Variants in STIM1 observed in about 807,000 individuals in gnomAD.
STIM1 encodes the protein stromal interaction molecule 1.
In STIM1, 25 loss-of-function variants were observed where a neutral mutation model predicts 74.7. The observed-to-expected ratio is 0.33, with a 90% CI of 0.24 to 0.47. STIM1 has a LOEUF of 0.47. Among genes scored for constraint, STIM1 ranks in the 20% least tolerant of loss-of-function variants. STIM1 has a pLI of 1.00. For synonymous variants in STIM1, 328 were observed against 348.8 expected (o/e 0.94, Z 0.66); for missense variants, 728 against 920.8 (o/e 0.79, Z 2.71).
At chr11:3,865,140 T>C (rs115860171) in intron 1 of STIM1, among the ~76,000 whole-genome samples, 2 of 152,212 alleles carry the variant, frequency 1.3e-5, no homozygotes, top group Admixed American at 6.5e-5. Context: ...CAATGACAGA[T>C]GAAAAACTTC....
chr11:3,982,861 C>T (rs1473981008), intron 2 of STIM1, among the ~76,000 whole-genome samples: 2 of 152,076 alleles, frequency 1.3e-5, no homozygotes, highest in South Asian at 2.1e-4. Context: ...TTTCTGTAGC[C>T]CAGCCCATAA....
chr11:3,991,169 C>CTTT (rs1246143538), intron 2 of STIM1, among the ~76,000 whole-genome samples: 5 of 124,220 alleles, frequency 4.0e-5, no homozygotes, highest in Admixed American at 8.7e-5. Flanking sequence ...TCTTTCCTTT[C>CTTT]TTTTTTTTTT....
chr11:4,063,565 T>C (rs139138689), intron 5 of STIM1, among the ~76,000 whole-genome samples: 1 of 152,262 alleles, frequency 6.6e-6, no homozygotes, highest in Non-Finnish European at 1.5e-5. Flanking sequence ...ACATAACTTT[T>C]ATCACTGGGA....
intron 2 of STIM1, among the ~76,000 whole-genome samples, chr11:4,013,949 C>A (rs1012689827): frequency 2.0e-5 from 3 of 151,804 alleles, no homozygotes; most frequent in Admixed American, 6.6e-5. Context: ...CCTCGTGATC[C>A]GCCCGTGTTG....
chr11:3,976,514 C>T (rs1213938691), intron 2 of STIM1, among the ~76,000 whole-genome samples: 1 of 152,164 alleles, frequency 6.6e-6, no homozygotes, highest in Non-Finnish European at 1.5e-5. Context: ...ACTCATGGAA[C>T]TATGCGCCAA....
chr11:3,903,290 T>C (rs2092394795), intron 1 of STIM1, among the ~76,000 whole-genome samples: 1 of 152,184 alleles, frequency 6.6e-6, no homozygotes, highest in South Asian at 2.1e-4. Context: ...TTTTAAGCAA[T>C]GAGAAGTCAT....
At chr11:4,060,892 A>C (rs1243285668) in intron 5 of STIM1, among the ~76,000 whole-genome samples, 1 of 152,208 alleles carries the variant, frequency 6.6e-6, no homozygotes, top group African/African-American at 2.4e-5. Flanking sequence ...TTTATGGAGA[A>C]AGTAATTCTT....
At chr11:3,916,796 C>T (rs2092650514) in intron 1 of STIM1, among the ~76,000 whole-genome samples, 1 of 152,066 alleles carries the variant, frequency 6.6e-6, no homozygotes, top group African/African-American at 2.4e-5. Context: ...CCATGTTGGC[C>T]AGGCTGTTCT....
rs2094529697 is a variant in STIM1, at chr11:4,092,394, G to A, written c.*596G>A. The A allele has an allele frequency of 6.1e-6, 1 of 164,554 alleles. No individual in the cohort carries two copies. Among genetic ancestry groups the A allele is most frequent in the Admixed American group, 5.5e-5 (1 of 18,136 alleles). 10.2% of individuals were successfully genotyped at this position (164,554 alleles called of 1,614,324 possible). A position where few individuals can be genotyped will look rare whatever the true frequency, so the allele number is the denominator to read the frequency against. On this transcript the variant is annotated 3_prime_UTR_variant, in exon 13 of 13. Transcript: ENST00000526596. ...CAGGCCTCCAGGGATCCATGGGGGA[G>A]TGAAACCAATTCTCAGAGAACAACC...
rs2094527909 is a variant in STIM1 at position 4,091,975 on chromosome 11, T to C, written c.*177T>C. ...TCCTTGGGTCCTTCATTATTATTTA[T>C]TAACTGACCACCATGGCCTGCCTGC... On this transcript the variant is annotated 3_prime_UTR_variant, in exon 13 of 13. Coordinates refer to ENST00000526596, the MANE Select transcript of STIM1 (RefSeq NM_001382567.1). 5 of 865,174 alleles carry C rather than the reference T, an allele frequency of 5.8e-6. No individual in the cohort carries two copies. Among genetic ancestry groups the C allele is most frequent in the Non-Finnish European group, 7.2e-6 (4 of 557,654 alleles). The allele number at this position is 865,174 out of a possible 1,614,324, so 53.6% of individuals were successfully genotyped here.
At chr11:3,922,432 C>A (rs1944111072) in intron 1 of STIM1, 1 of 152,090 alleles carries the variant, frequency 6.6e-6, no homozygotes. Context: ...CTTTTTCTTA[C>A]TGATTTGTAG....
chr11:3,991,848 G>T (rs1195428317), intron 2 of STIM1, among the ~76,000 whole-genome samples: 1 of 149,930 alleles, frequency 6.7e-6, no homozygotes, highest in Non-Finnish European at 1.5e-5. Flanking sequence ...TACTTGGAAG[G>T]CTGAGGCAGG....
At chr11:3,872,259 G>A (rs1590511968) in intron 1 of STIM1, among the ~76,000 whole-genome samples, 1 of 151,846 alleles carries the variant, frequency 6.6e-6, no homozygotes, top group African/African-American at 2.4e-5. Flanking sequence ...CACCATGTTG[G>A]CCAGGCTCAT....
chr11:3,888,306 A>C (rs2091790807), intron 1 of STIM1, among the ~76,000 whole-genome samples: 3 of 152,158 alleles, frequency 2.0e-5, no homozygotes, highest in African/African-American at 4.8e-5. Flanking sequence ...AAGGTGAATG[A>C]TTGAGATGCT....
intron 2 of STIM1, among the ~76,000 whole-genome samples, chr11:4,006,644 C>T (rs978279436): frequency 1.3e-5 from 2 of 152,158 alleles, no homozygotes; most frequent in South Asian, 2.1e-4. Context: ...GAATTCCTGA[C>T]CTCAAGTGAT....
chr11:4,042,058 C>T (rs924447474), intron 3 of STIM1, among the ~76,000 whole-genome samples: 1 of 152,170 alleles, frequency 6.6e-6, no homozygotes, highest in African/African-American at 2.4e-5. Context: ...ATGAGGGCTT[C>T]GTCTGGAGGC....
intron 2 of STIM1, among the ~76,000 whole-genome samples, chr11:3,992,098 T>C (rs1175346123): frequency 7.3e-6 from 1 of 137,234 alleles, no homozygotes; most frequent in East Asian, 2.0e-4. Context: ...TGTTTTTTTT[T>C]TTTTTTTTTT....
intron 1 of STIM1, among the ~76,000 whole-genome samples, chr11:3,967,087 T>C (rs901822278): frequency 6.6e-6 from 1 of 152,218 alleles, no homozygotes; most frequent in African/African-American, 2.4e-5. Context: ...TACACATCAT[T>C]TGGGCACTGG....
chr11:3,866,440 T>C (rs1487015175), intron 1 of STIM1, among the ~76,000 whole-genome samples: 7 of 151,444 alleles, frequency 4.6e-5, no homozygotes. Flanking sequence ...TTTTTTTTTT[T>C]TTTTTGTGAC....
Sources: allele counts gnomAD v4.1 joint callset (sites outside exome capture counted in the v4.1 genomes callset), GRCh38; gene constraint gnomAD v4.1.1; transcripts MANE v1.5; gene names NCBI Gene and HGNC (gene_info 2026-07-23, HGNC 2026-07-21).